The following FAAH2 variants were observed in gnomAD, a reference collection of about 807,000 sequenced individuals.
FAAH2 encodes fatty-acid amide hydrolase 2.
Under a neutral mutation model 36.9 loss-of-function variants are expected in FAAH2, and 60 were observed. That is an observed-to-expected ratio of 1.63 (90% CI 1.32 to 2.02). FAAH2 has a LOEUF of 2.02. FAAH2 is among the 30% of genes most tolerant of loss of function. FAAH2 has a pLI of 0.00. For missense variants in FAAH2, 689 were observed against 397.5 expected (o/e 1.73, Z -6.23); for synonymous variants, 214 against 143.8 (o/e 1.49, Z -3.49).
chrX:57,292,529 T>C lies in FAAH2; in HGVS notation c.224T>C (p.Ile75Thr). 8.3e-7 allele frequency: 1 copy of C among 1,210,117 alleles called. No homozygotes were observed. The highest frequency in any genetic ancestry group is 1.8e-5 in the South Asian group (1 of 56,713). Residue 75 changes from isoleucine to threonine, a missense_variant, in exon 2 of 11, where the codon ATC (isoleucine) becomes ACC (threonine). Ile to Thr is a moderately conservative substitution (Grantham distance 89, BLOSUM62 -1). Transcript: ENST00000374900. ...TGTATAGATGTTGTTCAGGCTTATA[T>C]CAACAGAATCAAGGACGTGAACCCA... ...VKCIDVVQAY[I>T]NRIKDVNPMI... is the part of the protein sequence containing the mutation.
the FAAH2 span, among the ~76,000 whole-genome samples, chrX:57,235,075 G>A: frequency 1.8e-5 from 2 of 110,948 alleles, no homozygotes; most frequent in Non-Finnish European, 3.8e-5. Flanking sequence ...TGTATAGGAT[G>A]TGTGAAAACT....
At chrX:57,274,958 T>C in the FAAH2 span, among the ~76,000 whole-genome samples, 1 of 111,870 alleles carries the variant, frequency 8.9e-6, no homozygotes, top group South Asian at 3.8e-4. Flanking sequence ...AGAGAGTAAG[T>C]CAAATTGTCT....
chrX:57,163,909 T>C, the FAAH2 span, among the ~76,000 whole-genome samples: 1 of 112,094 alleles, frequency 8.9e-6, no homozygotes, highest in East Asian at 2.8e-4. Flanking sequence ...TCTTAACCGA[T>C]GTATGGTCAA....
intron 5 of FAAH2, among the ~76,000 whole-genome samples, chrX:57,359,600 C>T (rs951821828): frequency 3.6e-5 from 4 of 111,699 alleles, no homozygotes; most frequent in Non-Finnish European, 7.5e-5. Flanking sequence ...TACATATCTG[C>T]CCCTCTTTAT....
At chrX:57,431,633 G>A (rs943212128) in intron 7 of FAAH2, among the ~76,000 whole-genome samples, 2 of 110,978 alleles carry the variant, frequency 1.8e-5, no homozygotes, top group Non-Finnish European at 3.8e-5. Context: ...GAGGGAGTGG[G>A]ACAAGGGCAA....
chrX:57,289,344 T>C (rs1158210199), intron 1 of FAAH2, among the ~76,000 whole-genome samples: 1 of 110,962 alleles, frequency 9.0e-6, no homozygotes, highest in Non-Finnish European at 1.9e-5. Flanking sequence ...ATTACTCTTC[T>C]ATTATTCAGA....
At chrX:57,174,802 A>T in the FAAH2 span, among the ~76,000 whole-genome samples, 1 of 111,558 alleles carries the variant, frequency 9.0e-6, no homozygotes, top group African/African-American at 3.3e-5. Context: ...ATTTCAAATA[A>T]TTTTTAAATT....
intron 3 of FAAH2, among the ~76,000 whole-genome samples, chrX:57,319,076 C>T (rs1025834503): frequency 8.9e-6 from 1 of 111,840 alleles, no homozygotes; most frequent in Non-Finnish European, 1.9e-5. Flanking sequence ...ACTAAATGGG[C>T]AAAAACTGGA....
At chrX:57,196,979 T>C in the FAAH2 span, among the ~76,000 whole-genome samples, 7 of 112,248 alleles carry the variant, frequency 6.2e-5, no homozygotes, top group African/African-American at 2.3e-4. Flanking sequence ...ATCCAAACTT[T>C]TAAATTTCTC....
chrX:57,133,202 T>G, the FAAH2 span, among the ~76,000 whole-genome samples: 1 of 112,411 alleles, frequency 8.9e-6, no homozygotes, highest in South Asian at 3.7e-4. Flanking sequence ...AATTGCTTAT[T>G]TATTTTGGCT....
intron 2 of FAAH2, among the ~76,000 whole-genome samples, chrX:57,306,667 A>C (rs1347539785): frequency 1.1e-5 from 1 of 94,263 alleles, no homozygotes; most frequent in Non-Finnish European, 2.1e-5. Context: ...TCAAGTGTTC[A>C]GTACAACGAG....
At chrX:57,159,273 T>C in the FAAH2 span, among the ~76,000 whole-genome samples, 42 of 112,105 alleles carry the variant, frequency 3.7e-4, no homozygotes, top group African/African-American at 1.3e-3. Context: ...TCAGGTAGCA[T>C]GATGCCTCCA....
chrX:57,172,749 G>A, the FAAH2 span, among the ~76,000 whole-genome samples: 8 of 111,700 alleles, frequency 7.2e-5, no homozygotes, highest in Non-Finnish European at 1.5e-4. Flanking sequence ...CCAACTGCCT[G>A]GGCCAAACTC....
At chrX:57,232,335 G>T in the FAAH2 span, among the ~76,000 whole-genome samples, 7 of 111,762 alleles carry the variant, frequency 6.3e-5, no homozygotes, top group Non-Finnish European at 1.1e-4. Context: ...AAAATGGTGA[G>T]GGAGAGGGCT....
chrX:57,393,042 A>G (rs1444534816), intron 7 of FAAH2: 2 of 897,201 alleles, frequency 2.2e-6, no homozygotes, highest in Non-Finnish European at 3.3e-6. Context: ...TGCTCTCTGG[A>G]CAGCCTGAGC....
At chrX:57,432,737 ATGGGAATATT>A (rs2056329688) in intron 8 of FAAH2, among the ~76,000 whole-genome samples, 1 of 111,387 alleles carries the variant, frequency 9.0e-6, no homozygotes, top group Admixed American at 9.6e-5. Context: ...TTTTCTGCCA[ATGGGAATATT>A]TGTGTTAGAG....
chrX:57,461,087 A>G (rs2056949644), intron 10 of FAAH2, among the ~76,000 whole-genome samples: 1 of 111,147 alleles, frequency 9.0e-6, no homozygotes, highest in Non-Finnish European at 1.9e-5. Flanking sequence ...GATCAATGTA[A>G]AAAGAAGAGC....
intron 7 of FAAH2, among the ~76,000 whole-genome samples, chrX:57,414,050 A>G (rs2055771794): frequency 8.9e-6 from 1 of 112,156 alleles, no homozygotes; most frequent in Non-Finnish European, 1.9e-5. Context: ...TAATTTTTGC[A>G]CATTGATTTT....
intron 10 of FAAH2, among the ~76,000 whole-genome samples, chrX:57,451,873 G>A (rs1569355382): frequency 1.8e-5 from 2 of 112,709 alleles, no homozygotes; most frequent in African/African-American, 6.4e-5. Flanking sequence ...AGTAATGAAA[G>A]AGAATAATCT....
Sources: gnomAD v4.1 joint callset for allele counts (sites outside exome capture counted in the v4.1 genomes callset) on GRCh38, gnomAD v4.1.1 for gene constraint, MANE v1.5 for transcripts, NCBI Gene and HGNC (gene_info 2026-07-23, HGNC 2026-07-21) for gene names.